The following PTPN12 variants were observed in gnomAD, a reference collection of about 807,000 sequenced individuals.
The protein encoded by PTPN12 is protein tyrosine phosphatase non-receptor type 12.
In PTPN12, 29 loss-of-function variants were observed where a neutral mutation model predicts 97.6. The ratio of observed to expected loss-of-function variants is 0.30; its 90% confidence interval spans 0.22 to 0.41. The LOEUF is 0.41. Among genes scored for constraint, PTPN12 ranks in the 10% least tolerant of loss-of-function variants. The pLI, the probability that PTPN12 is intolerant of heterozygous loss-of-function variation, is 1.00. For missense variants in PTPN12, 819 were observed against 926.0 expected (o/e 0.88, Z 1.50); for synonymous variants, 327 against 300.4 (o/e 1.09, Z -0.91).
intron 11 of PTPN12, among the ~76,000 whole-genome samples, chr7:77,613,155 T>C (rs1283935177): frequency 6.7e-6 from 1 of 149,528 alleles, no homozygotes; most frequent in African/African-American, 2.4e-5. Flanking sequence ...AACAGTTTTC[T>C]TTAATTTTTG....
intron 12 of PTPN12, among the ~76,000 whole-genome samples, chr7:77,625,023 T>C (rs529401737): frequency 1.3e-5 from 2 of 151,974 alleles, no homozygotes; most frequent in Admixed American, 1.3e-4. Context: ...TAGTCCCAGC[T>C]ACTCAGGAGG....
chr7:77,632,488 C>T (rs1789432954), intron 14 of PTPN12, 63 bp downstream of exon 14: 4 of 1,263,302 alleles, frequency 3.2e-6, no homozygotes, highest in African/African-American at 2.9e-5. Flanking sequence ...GAAAAACATA[C>T]CTGATTTTAA....
At chr7:77,632,571 G>A in intron 14 of PTPN12, 146 bp downstream of exon 14, 1 of 641,278 alleles carries the variant, frequency 1.6e-6, no homozygotes, top group Non-Finnish European at 2.7e-6. Context: ...TTAATTCTTT[G>A]TTTGAAAAAT....
chr7:77,602,503 T>C (rs984582305), intron 8 of PTPN12, among the ~76,000 whole-genome samples: 3 of 151,994 alleles, frequency 2.0e-5, no homozygotes, highest in Non-Finnish European at 2.9e-5. Flanking sequence ...GTATAGTGGC[T>C]CAGTGCTTTG....
rs1183447114 is a variant in PTPN12, at chr7:77,632,220, G to GC, written c.1997-127dup. 5.8e-6 allele frequency: 4 copies of GC among 686,132 alleles called. No individual in the cohort carries two copies. The Admixed American group carries it at 9.9e-5, about 17-fold the overall frequency. The allele number at this position is 686,132 out of a possible 1,614,324, so 42.5% of individuals were successfully genotyped here. On this transcript the variant is annotated intron_variant, in intron 13 of 17. Coordinates refer to ENST00000248594, the MANE Select transcript of PTPN12 (RefSeq NM_002835.4). ...TGATAATGAGTGGAAAAGGTTTCTT[G>GC]CATTTTTTTGCATTTTTAAAAACTG...
chr7:77,635,753 TAATAAC>T (rs756017529), intron 14 of PTPN12, 23 bp from the exon 15 acceptor site: 63 of 1,460,298 alleles, frequency 4.3e-5, no homozygotes, highest in Non-Finnish European at 5.7e-5. Context: ...TTCAAGGTGT[TAATAAC>T]AATAAGATTT....
At position 77,546,096 on chromosome 7, in the gene PTPN12, TA is replaced by T. The variant is rs563106244; in HGVS notation, c.99+8452del. ...ACGGGCGCCCGTGACCACACACAGC[TA>T]CTTTTTTTATTTTTAGTAGAGATGG... is the stretch of plus-strand genomic sequence containing the variant. On this transcript the variant is annotated intron_variant, in intron 1 of 17. Transcript: ENST00000248594. 8.5e-5 allele frequency among the ~76,000 whole-genome samples: 13 copies of T among 152,260 alleles called. No homozygotes were observed. The South Asian group carries it at 2.7e-3, about 32-fold the overall frequency.
chr7:77,585,360 C>T, intron 4 of PTPN12, 183 bp from the exon 5 acceptor site: 2 of 507,768 alleles, frequency 3.9e-6, no homozygotes, highest in Admixed American at 3.7e-5. Flanking sequence ...TATAGTTAGC[C>T]CTTGTTTGGA....
intron 11 of PTPN12, among the ~76,000 whole-genome samples, chr7:77,615,278 AT>A (rs1246294129): frequency 2.0e-5 from 3 of 152,134 alleles, no homozygotes; most frequent in African/African-American, 7.2e-5. Flanking sequence ...TTCCTAAAAT[AT>A]AATTTTTTTA....
At chr7:77,618,053 G>GA (rs1182784603) in intron 11 of PTPN12, among the ~76,000 whole-genome samples, 1 of 152,076 alleles carries the variant, frequency 6.6e-6, no homozygotes, top group East Asian at 1.9e-4. Context: ...TAGTAATGGG[G>GA]AGTCATAAAA....
chr7:77,626,239 A>G (rs750391746), intron 12 of PTPN12, among the ~76,000 whole-genome samples: 1 of 152,212 alleles, frequency 6.6e-6, no homozygotes, highest in Non-Finnish European at 1.5e-5. Context: ...AAGATACGAA[A>G]TCATGGTGTC....
intron 11 of PTPN12, among the ~76,000 whole-genome samples, chr7:77,611,865 TCTAGACC>T (rs1788580124): frequency 6.6e-6 from 1 of 152,242 alleles, no homozygotes; most frequent in Middle Eastern, 3.2e-3. Flanking sequence ...ATATTCAACT[TCTAGACC>T]TGACAAAAAC....
rs961766328 is a variant in PTPN12 at position 77,550,106 on chromosome 7, T to TCTGC, written c.99+12472_99+12475dup. ...GTGTGCCTGTCTTTGTGCCTGTGTG[T>TCTGC]CTGCCTGCCTGCCTTTGTGCCTCCC... is the stretch of plus-strand genomic sequence containing the variant. On this transcript the variant is annotated intron_variant, in intron 1 of 17. Transcript: ENST00000248594. 1.3e-5 allele frequency among the ~76,000 whole-genome samples: 2 copies of TCTGC among 152,176 alleles called. 1 individual carries two copies. Among genetic ancestry groups the TCTGC allele is most frequent in the African/African-American group, 4.8e-5 (2 of 41,426 alleles).
At chr7:77,555,812 G>A (rs1279013847) in intron 1 of PTPN12, among the ~76,000 whole-genome samples, 1 of 152,000 alleles carries the variant, frequency 6.6e-6, no homozygotes, top group African/African-American at 2.4e-5. Flanking sequence ...CTACTGGGGA[G>A]GCTGAGGCAG....
At chr7:77,612,853 C>A (rs1264339256) in intron 11 of PTPN12, among the ~76,000 whole-genome samples, 1 of 151,396 alleles carries the variant, frequency 6.6e-6, no homozygotes, top group Non-Finnish European at 1.5e-5. Flanking sequence ...AGTGGCGCAA[C>A]CTCTGCCTCC....
At chr7:77,545,129 A>T (rs1034505205) in intron 1 of PTPN12, among the ~76,000 whole-genome samples, 1 of 152,234 alleles carries the variant, frequency 6.6e-6, no homozygotes, top group African/African-American at 2.4e-5. Context: ...AGTATTAATA[A>T]AATGTCTTTT....
chr7:77,612,646 C>A (rs1584191613), intron 11 of PTPN12, among the ~76,000 whole-genome samples: 1 of 152,176 alleles, frequency 6.6e-6, no homozygotes, highest in East Asian at 1.9e-4. Flanking sequence ...CCATGTTGGT[C>A]AGGCTGGTCT....
At chr7:77,618,430 G>A (rs535199983) in intron 11 of PTPN12, 50 bp from the exon 12 acceptor site, 3 of 1,260,422 alleles carry the variant, frequency 2.4e-6, no homozygotes, top group South Asian at 2.8e-5. Flanking sequence ...ACATGAAGAG[G>A]AAAAATTATT....
At chr7:77,611,767 T>C (rs1164049835) in intron 11 of PTPN12, among the ~76,000 whole-genome samples, 1 of 152,190 alleles carries the variant, frequency 6.6e-6, no homozygotes, top group Non-Finnish European at 1.5e-5. Context: ...TATATGCTTT[T>C]CAGTTAAGCA....
Sources: allele counts gnomAD v4.1 joint callset (sites outside exome capture counted in the v4.1 genomes callset), GRCh38; gene constraint gnomAD v4.1.1; transcripts MANE v1.5; gene names NCBI Gene and HGNC (gene_info 2026-07-23, HGNC 2026-07-21).